CMYA5: variants seen among roughly 807,000 people sequenced by gnomAD.
The protein encoded by CMYA5 is cardiomyopathy-associated protein 5.
Under a neutral mutation model 318.9 loss-of-function variants are expected in CMYA5, and 246 were observed. That is an observed-to-expected ratio of 0.77 (90% CI 0.70 to 0.86). The LOEUF (loss-of-function observed/expected upper bound fraction) is 0.86, where lower values mean the gene tolerates loss of function less well. CMYA5 is among the 40% of genes least tolerant of loss of function. The pLI, the probability that CMYA5 is intolerant of heterozygous loss-of-function variation, is 0.00. For synonymous variants in CMYA5, 1,641 were observed against 1,729.5 expected, an observed-to-expected ratio of 0.95 and a Z score of 1.27; for missense variants, 4,589 against 4,678.2, an observed-to-expected ratio of 0.98 and a Z score of 0.56.
chr5:79,730,896 C>T lies in CMYA5; in HGVS notation c.2131C>T (p.Leu711=), dbSNP rs1827879349. 1.9e-6 allele frequency: 3 copies of T among 1,613,834 alleles called. No individual in the cohort carries two copies. In the East Asian group the frequency reaches 6.7e-5, roughly 36 times the overall value. ...SVPSLATKES[L]KKTIDRKSPL... is the part of the protein sequence containing the mutation. ...TCCATCACTGGCAACAAAAGAGTCA[C>T]TGAAGAAAACAATTGACCGTAAGTC... Residue 711 remains leucine, a synonymous_variant, in exon 2 of 13, where the codon CTG becomes TTG. Transcript: ENST00000446378.
At position 79,793,698 on chromosome 5, in the gene CMYA5, C is replaced by T. The variant is rs1037483239; in HGVS notation, c.11963+88C>T. ...TCTCTGAGGGACCTGATAAATAGCA[C>T]CCACTTCCATGCTCAACTTCTGAGC... On this transcript the variant is annotated intron_variant, in intron 12 of 12. Transcript: ENST00000446378. 5 of 1,217,550 alleles carry T rather than the reference C, an allele frequency of 4.1e-6. No homozygotes were observed. In the African/African-American group the frequency reaches 6.1e-5, roughly 15 times the overall value. 75.4% of individuals were successfully genotyped at this position (1,217,550 alleles called of 1,614,324 possible).
Position 79,736,040 on chromosome 5 carries a change from T to G in CMYA5, c.7275T>G (p.Ser2425Arg). The part of the protein sequence containing the change: ...EESKGSLIDF[S>R]EDRLKKEMQN... ...CAAAAGGCAGTTTAATTGATTTCAG[T>G]GAAGACAGACTCAAGAAAGAAATGC... The change falls in exon 2 of 13, where the codon AGT becomes AGG. Residue 2425 changes from serine to arginine, a missense_variant. Transcript: ENST00000446378. 1 of 1,612,814 alleles carries G rather than the reference T, an allele frequency of 6.2e-7. No homozygotes were observed. The highest frequency in any genetic ancestry group is 8.5e-7 in the Non-Finnish European group (1 of 1,179,586).
Position 79,738,111 on chromosome 5 carries a change from T to C in CMYA5, c.9346T>C (p.Tyr3116His). ...CTTGGTGAAATTAGATGAAAGTTTT[T>C]ATGGACCAGAAAAGGGCCACAACAT... is the stretch of plus-strand genomic sequence containing the variant. ...YDLVKLDESF[Y>H]GPEKGHNILS... Residue 3116 changes from tyrosine (Y) to histidine (H), a missense_variant, in exon 2 of 13, where the codon TAT (tyrosine) becomes CAT (histidine). Coordinates refer to ENST00000446378, the MANE Select transcript of CMYA5 (RefSeq NM_153610.5). 1.9e-6 allele frequency: 3 copies of C among 1,613,630 alleles called. No individual in the cohort carries two copies. Among genetic ancestry groups the C allele is most frequent in the Non-Finnish European group, 2.5e-6 (3 of 1,179,806 alleles).
chr5:79,698,123 G>A (rs916091205), intron 1 of CMYA5, among the ~76,000 whole-genome samples: 1 of 152,020 alleles, frequency 6.6e-6, no homozygotes, highest in Admixed American at 6.5e-5. Flanking sequence ...TATTAGTTTT[G>A]GGGTCATGAA....
intron 7 of CMYA5, 130 bp from the exon 8 acceptor site, chr5:79,761,681 A>G: frequency 1.1e-6 from 1 of 924,726 alleles, no homozygotes; most frequent in Non-Finnish European, 1.6e-6. Flanking sequence ...TGGTTTTCAC[A>G]TAATGGTATC....
At position 79,799,778 on chromosome 5, in the gene CMYA5, A is replaced by G; in HGVS notation, c.*162A>G. On this transcript the variant is annotated 3_prime_UTR_variant, in exon 13 of 13. Transcript: ENST00000446378. The stretch of plus-strand genomic sequence containing the variant: ...GCATGTGAGCAAAATCGACAAGAAA[A>G]CCTTGACTTTACAGAGCAGTGTGTG... 1 of 853,662 alleles carries G rather than the reference A, an allele frequency of 1.2e-6. No individual in the cohort carries two copies. The allele number at this position is 853,662 out of a possible 1,614,324, so 52.9% of individuals were successfully genotyped here.
intron 9 of CMYA5, among the ~76,000 whole-genome samples, chr5:79,770,495 C>T (rs1169840970): frequency 3.3e-5 from 5 of 152,280 alleles, no homozygotes; most frequent in Admixed American, 6.5e-5. Context: ...GCGTAGTATC[C>T]GGGCTGGAAT....
intron 1 of CMYA5, among the ~76,000 whole-genome samples, chr5:79,721,032 G>A (rs945395574): frequency 3.3e-5 from 5 of 152,298 alleles, no homozygotes; most frequent in Non-Finnish European, 7.4e-5. Flanking sequence ...TGAAGTTAAA[G>A]GATTCATGGT....
Position 79,738,578 on chromosome 5 carries a change from T to C in CMYA5, c.9813T>C (p.Asp3271=), listed in dbSNP as rs1342009760. ...AAGAAAAACGAGTTGGTAAGGATGA[T>C]TCATACCAACCGATAGCTGCAGAAG... ...GLEEKRVGKD[D]SYQPIAAEGE... is the part of the protein sequence containing the mutation. The change falls in exon 2 of 13, where the codon GAT becomes GAC. Residue 3271 remains aspartate, a synonymous_variant. Transcript: ENST00000446378. 3 of 1,613,630 alleles carry C rather than the reference T, an allele frequency of 1.9e-6. No homozygotes were observed. Among genetic ancestry groups the C allele is most frequent in the East Asian group, 4.5e-5 (2 of 44,874 alleles).
Position 79,747,245 on chromosome 5 carries a change from T to G in CMYA5, c.10991+132T>G, listed in dbSNP as rs1051398405. ...TAGTGGGCTACAGTATTTTCACTTT[T>G]AGACACAGTGCTTTTAAAAGCTAAA... On this transcript the variant is annotated intron_variant, in intron 5 of 12. Coordinates refer to ENST00000446378, the MANE Select transcript of CMYA5 (RefSeq NM_153610.5). 7 of 735,748 alleles carry G rather than the reference T, an allele frequency of 9.5e-6. No homozygotes were observed. The African/African-American group carries it at 1.1e-4, about 12-fold the overall frequency. The allele number at this position is 735,748 out of a possible 1,614,324, so 45.6% of individuals were successfully genotyped here. A position where few individuals can be genotyped will look rare whatever the true frequency, so the allele number is the denominator to read the frequency against.
In CMYA5 at chr5:79,745,248, G is replaced by T. The variant is rs375835142; in HGVS notation, c.10761G>T (p.Arg3587Ser). 101 of 1,594,250 alleles carry T rather than the reference G, an allele frequency of 6.3e-5. No individual in the cohort carries two copies. The highest frequency in any genetic ancestry group is 8.0e-5 in the Non-Finnish European group (93 of 1,169,570). The part of the protein sequence containing the change: ...IEENCSKNEK[R>S]LEEQNEEMMK... ...AAAACTGTAGTAAAAATGAGAAAAGGCTAGAAGAACAGAATGAGGAAATGA... is the reference window on the plus strand; with the variant it reads ...AAAACTGTAGTAAAAATGAGAAAAGTCTAGAAGAACAGAATGAGGAAATGA... The change falls in exon 4 of 13, where the codon AGG becomes AGT. Residue 3587 changes from arginine to serine, a missense_variant. Arg to Ser is a moderately radical substitution (Grantham distance 110). Around this residue, in one of 3 missense-constraint regions of CMYA5, gnomAD observed 2,431 missense variants for 2,495.1 expected, o/e 0.97. Transcript: ENST00000446378.
In CMYA5 at chr5:79,733,285, G is replaced by T. The variant is rs754757641; in HGVS notation, c.4520G>T (p.Arg1507Leu). The T allele has an allele frequency of 1.7e-5, 28 of 1,613,602 alleles. No homozygotes were observed. In the South Asian group the frequency reaches 2.0e-4, roughly 11 times the overall value. ...TTTTCTACAGTCTGTGACTCTGAAC[G>T]TTTGGTTTCATCACAGAAGAAGAGC... Reference protein sequence around the residue: ...LLFSTVCDSERLVSSQKKSLM... With the variant: ...LLFSTVCDSELLVSSQKKSLM... The change falls in exon 2 of 13, where the codon CGT becomes CTT. Residue 1507 changes from arginine to leucine, a missense_variant. Coordinates refer to ENST00000446378, the MANE Select transcript of CMYA5 (RefSeq NM_153610.5).
Position 79,739,220 on chromosome 5 carries a change from G to C in CMYA5, c.10455G>C (p.Arg3485Ser). The change falls in exon 2 of 13, where the codon AGG becomes AGC. Residue 3485 changes from arginine (R) to serine (S), a missense_variant. Transcript: ENST00000446378. ...AACAAAAAGAGTTGGGCAGCGAGAG[G>C]AAAGAAGAAGACCAATTATCATCTG... ...PAEQKELGSERKEEDQLSSEV... is the reference protein window; with the variant it reads ...PAEQKELGSESKEEDQLSSEV... 1 of 1,613,074 alleles carries C rather than the reference G, an allele frequency of 6.2e-7. No homozygotes were observed.
Position 79,737,277 on chromosome 5 carries a change from C to A in CMYA5, c.8512C>A (p.Arg2838=). The A allele has an allele frequency of 1.2e-6, 2 of 1,613,768 alleles. No individual in the cohort carries two copies. The highest frequency in any genetic ancestry group is 1.7e-6 in the Non-Finnish European group (2 of 1,179,800). ...INAVKKKEMP[R]SELTPERHTV... is the part of the protein sequence containing the mutation. ...CGCAGTGAAGAAAAAAGAAATGCCA[C>A]GATCAGAATTGACTCCAGAAAGGCA... Residue 2838 remains arginine (R), a synonymous_variant, in exon 2 of 13, where the codon CGA becomes AGA. Transcript: ENST00000446378.
At chr5:79,722,851 C>G (rs1310843717) in intron 1 of CMYA5, among the ~76,000 whole-genome samples, 1 of 151,830 alleles carries the variant, frequency 6.6e-6, no homozygotes, top group Non-Finnish European at 1.5e-5. Context: ...TCAATGATTT[C>G]TAAACATTTA....
chr5:79,799,830 C>T lies in CMYA5; in HGVS notation c.*214C>T. On this transcript the variant is annotated 3_prime_UTR_variant, in exon 13 of 13. Transcript: ENST00000446378. Reference sequence around the variant, plus strand: ...GTAAACAGAATGAAAACAACAACCTCCACTCTTTAGTTTATATAAGTTTGA... The same window carrying T: ...GTAAACAGAATGAAAACAACAACCTTCACTCTTTAGTTTATATAAGTTTGA... 4.4e-6 allele frequency: 2 copies of T among 450,530 alleles called. No homozygotes were observed. Among genetic ancestry groups the T allele is most frequent in the Non-Finnish European group, 7.7e-6 (2 of 258,792 alleles). 27.9% of individuals were successfully genotyped at this position (450,530 alleles called of 1,614,324 possible). A position where few individuals can be genotyped will look rare whatever the true frequency, so the allele number is the denominator to read the frequency against.
At chr5:79,724,632 C>T (rs1827712335) in intron 1 of CMYA5, among the ~76,000 whole-genome samples, 1 of 152,182 alleles carries the variant, frequency 6.6e-6, no homozygotes, top group Non-Finnish European at 1.5e-5. Flanking sequence ...AGAATGCAGT[C>T]AGAGGGGAAT....
intron 6 of CMYA5, among the ~76,000 whole-genome samples, chr5:79,756,697 T>C (rs184228346): frequency 1.5e-3 from 224 of 152,282 alleles, no homozygotes; most frequent in Non-Finnish European, 2.7e-3. Flanking sequence ...GTTTGTCTCT[T>C]TTTGCTACAT....
intron 12 of CMYA5, 126 bp from the exon 13 acceptor site, chr5:79,799,244 A>G (rs1829327948): frequency 3.2e-6 from 3 of 934,568 alleles, no homozygotes; most frequent in African/African-American, 1.7e-5. Flanking sequence ...TTGGGACAGC[A>G]TTATTGCAAC....
Sources: gnomAD v4.1 joint callset for allele counts (sites outside exome capture counted in the v4.1 genomes callset) on GRCh38, gnomAD v4.1.1 for gene constraint, gnomAD v4.1.1 regional missense constraint, MANE v1.5 for transcripts, NCBI Gene and HGNC (gene_info 2026-07-23, HGNC 2026-07-21) for gene names.